ZBTB20: variants seen among roughly 807,000 people sequenced by gnomAD.
ZBTB20 encodes zinc finger and BTB domain-containing protein 20.
Under a neutral mutation model 56.9 loss-of-function variants are expected in ZBTB20, and 9 were observed. The observed-to-expected ratio is 0.16, with a 90% confidence interval of 0.10 to 0.28. The LOEUF is 0.28. Ranked by LOEUF, ZBTB20 falls within the 10% of genes least tolerant of loss-of-function variation. The probability of loss-of-function intolerance (pLI) is 1.00; values close to 1 mark genes in which losing one functional copy is unlikely to be tolerated. For synonymous variants in ZBTB20, 417 were observed against 420.7 expected, an observed-to-expected ratio of 0.99 and a Z score of 0.11; for missense variants, 655 against 1,003.0, an observed-to-expected ratio of 0.65 and a Z score of 4.69.
chr3:114,602,869 T>G (rs963881699), intron 6 of ZBTB20, among the ~76,000 whole-genome samples: 2 of 152,044 alleles, frequency 1.3e-5, no homozygotes, highest in African/African-American at 4.8e-5. Context: ...AAAGTATGTA[T>G]TTTTTCTTCC....
chr3:114,616,062 G>A (rs964545584), intron 6 of ZBTB20, among the ~76,000 whole-genome samples: 12 of 152,166 alleles, frequency 7.9e-5, no homozygotes, highest in Non-Finnish European at 1.6e-4. Context: ...TTATTCACTG[G>A]ATAACACATC....
At chr3:114,760,699 A>G (rs893719316) in intron 5 of ZBTB20, among the ~76,000 whole-genome samples, 19 of 152,232 alleles carry the variant, frequency 1.2e-4, no homozygotes, top group African/African-American at 3.9e-4. Flanking sequence ...GCACTGGCAC[A>G]TAGTAACATA....
At chr3:114,360,859 G>A (rs143965479) in intron 10 of ZBTB20, among the ~76,000 whole-genome samples, 4 of 151,920 alleles carry the variant, frequency 2.6e-5, no homozygotes, top group East Asian at 3.9e-4. Context: ...AACCAGGCAC[G>A]GGAAATCATT....
chr3:114,345,573 C>A (rs914495011), intron 11 of ZBTB20, among the ~76,000 whole-genome samples: 4 of 152,192 alleles, frequency 2.6e-5, no homozygotes, highest in African/African-American at 7.2e-5. Flanking sequence ...ACAAAAGCAA[C>A]CTGATGCCAT....
chr3:114,588,289 G>A (rs1387506335), intron 6 of ZBTB20, among the ~76,000 whole-genome samples: 2 of 152,134 alleles, frequency 1.3e-5, no homozygotes. Flanking sequence ...AGTCCCATTC[G>A]TATGTAACTC....
At chr3:115,003,463 T>C (rs1294563700) in intron 2 of ZBTB20, among the ~76,000 whole-genome samples, 4 of 151,640 alleles carry the variant, frequency 2.6e-5, no homozygotes, top group Non-Finnish European at 4.4e-5. Context: ...TTAAAACTGC[T>C]ACAATAATTA....
intron 5 of ZBTB20, among the ~76,000 whole-genome samples, chr3:114,699,294 C>T (rs1277873553): frequency 6.6e-6 from 1 of 151,958 alleles, no homozygotes; most frequent in Admixed American, 6.6e-5. Flanking sequence ...TTAAAAAATA[C>T]TGAGACAAAT....
intron 7 of ZBTB20, among the ~76,000 whole-genome samples, chr3:114,408,329 C>G (rs1031356304): frequency 2.6e-5 from 4 of 152,214 alleles, no homozygotes; most frequent in Non-Finnish European, 4.4e-5. Context: ...CAGGCATAAA[C>G]TTGTCTTCTA....
At chr3:115,086,374 C>T (rs1288765037) in intron 1 of ZBTB20, among the ~76,000 whole-genome samples, 1 of 151,624 alleles carries the variant, frequency 6.6e-6, no homozygotes, top group Non-Finnish European at 1.5e-5. Flanking sequence ...CTTAGAGAAC[C>T]GTATTTATTT....
intron 10 of ZBTB20, among the ~76,000 whole-genome samples, chr3:114,355,175 A>G (rs1342159467): frequency 6.6e-6 from 1 of 152,220 alleles, no homozygotes; most frequent in Non-Finnish European, 1.5e-5. Flanking sequence ...ACACACACAC[A>G]CACAATTCCA....
At chr3:115,020,108 T>A (rs372623264) in intron 2 of ZBTB20, among the ~76,000 whole-genome samples, 1 of 151,060 alleles carries the variant, frequency 6.6e-6, no homozygotes, top group Admixed American at 6.6e-5. Context: ...CAACTCTGCG[T>A]AGGATTAGTT....
intron 2 of ZBTB20, 52 bp from the exon 3 acceptor site, chr3:114,974,468 C>T (rs2078016641): frequency 1.3e-5 from 2 of 152,084 alleles, no homozygotes; most frequent in African/African-American, 4.8e-5. Context: ...AAAACATTTG[C>T]ATTTCTATAA....
At position 114,326,284 on chromosome 3, in the gene ZBTB20, A is replaced by G. The variant is rs2108020273; in HGVS notation, c.*12721T>C. ...ATTTGAGGAGGCAATAAGGATTTGT[A>G]GTACAAAATGCATGGTCTTCATCTG... On this transcript the variant is annotated 3_prime_UTR_variant, in exon 12 of 12. Transcript: ENST00000675478. 6.6e-6 allele frequency: 1 copy of G among 152,320 alleles called. No individual in the cohort carries two copies. The highest frequency in any genetic ancestry group is 1.9e-4 in the East Asian group (1 of 5,192). 9.4% of individuals were successfully genotyped at this position (152,320 alleles called of 1,614,324 possible).
chr3:114,370,309 T>G (rs2082861441), intron 10 of ZBTB20, among the ~76,000 whole-genome samples: 1 of 152,254 alleles, frequency 6.6e-6, no homozygotes, highest in African/African-American at 2.4e-5. Flanking sequence ...TACTTTGTAA[T>G]AGTTGCTTTC....
chr3:114,725,240 A>G (rs1317079069), intron 5 of ZBTB20, among the ~76,000 whole-genome samples: 1 of 152,242 alleles, frequency 6.6e-6, no homozygotes, highest in African/African-American at 2.4e-5. Context: ...ATGCACACAG[A>G]GTTAAAAAAT....
At chr3:114,390,328 C>G (rs2085719518) in intron 7 of ZBTB20, among the ~76,000 whole-genome samples, 1 of 152,128 alleles carries the variant, frequency 6.6e-6, no homozygotes. Context: ...TACCACATTT[C>G]TGATATTCTT....
At chr3:114,697,074 A>G (rs979388113) in intron 5 of ZBTB20, among the ~76,000 whole-genome samples, 25 of 129,468 alleles carry the variant, frequency 1.9e-4, no homozygotes, top group African/African-American at 5.4e-4. Context: ...AAAAAAAAAA[A>G]AAGAAGAAGA....
intron 6 of ZBTB20, among the ~76,000 whole-genome samples, chr3:114,657,639 A>G (rs1222955157): frequency 6.6e-6 from 1 of 152,142 alleles, no homozygotes; most frequent in East Asian, 1.9e-4. Context: ...CAAACCAATA[A>G]GATTGTGGTT....
intron 2 of ZBTB20, among the ~76,000 whole-genome samples, chr3:114,985,656 A>G (rs1374459826): frequency 5.3e-5 from 8 of 152,068 alleles, no homozygotes; most frequent in Non-Finnish European, 1.0e-4. Context: ...GCCAAAATAG[A>G]TGGGTCAAAA....
Sources: gnomAD v4.1 joint callset for allele counts (sites outside exome capture counted in the v4.1 genomes callset) on GRCh38, gnomAD v4.1.1 for gene constraint, MANE v1.5 for transcripts, NCBI Gene and HGNC (gene_info 2026-07-23, HGNC 2026-07-21) for gene names.